ACTR3C: variants seen among roughly 807,000 people sequenced by gnomAD.
The protein encoded by ACTR3C is actin related protein 3C.
A neutral mutation model predicts 26.3 loss-of-function variants in ACTR3C; 18 were observed. That is an observed-to-expected ratio of 0.68 (90% CI 0.47 to 1.01). The LOEUF (loss-of-function observed/expected upper bound fraction) is 1.01. Among genes scored for constraint, ACTR3C ranks in the 50% least tolerant of loss-of-function variants. The pLI, the probability that ACTR3C is intolerant of heterozygous loss-of-function variation, is 0.00. For synonymous variants in ACTR3C, 55 were observed against 94.5 expected (o/e 0.58, Z 2.42); for missense variants, 184 against 250.7 (o/e 0.73, Z 1.80).
At chr7:150,105,962 T>A in the ACTR3C span, among the ~76,000 whole-genome samples, 2 of 151,994 alleles carry the variant, frequency 1.3e-5, no homozygotes, top group Non-Finnish European at 1.5e-5. Flanking sequence ...CTAAAAAAAA[T>A]TACTTCCCAA....
At chr7:150,030,006 C>G in the ACTR3C span, among the ~76,000 whole-genome samples, 1 of 138,552 alleles carries the variant, frequency 7.2e-6, no homozygotes, top group Non-Finnish European at 1.5e-5. Context: ...TGAAGTGTCC[C>G]TCCTCTCGCT....
chr7:150,140,996 A>C, the ACTR3C span, among the ~76,000 whole-genome samples: 1 of 152,254 alleles, frequency 6.6e-6, no homozygotes, highest in African/African-American at 2.4e-5. Context: ...TAGAAGGTGA[A>C]ACCAGCCACC....
chr7:150,100,760 G>A, the ACTR3C span, among the ~76,000 whole-genome samples: 2 of 151,234 alleles, frequency 1.3e-5, no homozygotes, highest in African/African-American at 4.9e-5. Context: ...CTGGAGTGCA[G>A]TGGTGCGATC....
the ACTR3C span, among the ~76,000 whole-genome samples, chr7:149,984,644 G>A: frequency 6.6e-6 from 1 of 151,714 alleles, no homozygotes; most frequent in African/African-American, 2.4e-5. Context: ...ACTGGGGTGT[G>A]TGATGGGAAT....
At chr7:150,216,725 G>A in the ACTR3C span, among the ~76,000 whole-genome samples, 1 of 151,956 alleles carries the variant, frequency 6.6e-6, no homozygotes, top group African/African-American at 2.4e-5. Context: ...GGTGGCTCAC[G>A]CCTGTAATCC....
chr7:150,140,628 C>T, the ACTR3C span, among the ~76,000 whole-genome samples: 1 of 152,166 alleles, frequency 6.6e-6, no homozygotes, highest in Admixed American at 6.5e-5. Context: ...TCACACACCT[C>T]ATTTGCTTGA....
intron 1 of ACTR3C, among the ~76,000 whole-genome samples, chr7:150,317,583 T>C (rs978086552): frequency 6.6e-6 from 1 of 152,202 alleles, no homozygotes; most frequent in African/African-American, 2.4e-5. Flanking sequence ...ACTAGTGGTG[T>C]TGACTAAACC....
In ACTR3C at chr7:150,323,503, T is replaced by C. The variant is rs913186191; in HGVS notation, c.-86A>G. The C allele has an allele frequency of 9.3e-5, 40 of 432,310 alleles. No individual in the cohort carries two copies. In the Admixed American group the frequency reaches 1.0e-3, roughly 11 times the overall value. The allele number at this position is 432,310 out of a possible 1,614,324, so 26.8% of individuals were successfully genotyped here. On this transcript the variant is annotated 5_prime_UTR_variant, in exon 1 of 8. Transcript: ENST00000683684. ...AGGCGCCGGCTCTGCGGTGCGGAGTTGCGCCGGACTTCCCAGCTTGGCCAG... is the reference window on the plus strand; with the variant it reads ...AGGCGCCGGCTCTGCGGTGCGGAGTCGCGCCGGACTTCCCAGCTTGGCCAG...
chr7:150,208,077 C>T, the ACTR3C span, among the ~76,000 whole-genome samples: 3 of 152,096 alleles, frequency 2.0e-5, no homozygotes, highest in Non-Finnish European at 4.4e-5. Flanking sequence ...TCAAAGAAAG[C>T]GAAGGAGGAC....
At chr7:149,883,308 A>C in the ACTR3C span, among the ~76,000 whole-genome samples, 1 of 152,132 alleles carries the variant, frequency 6.6e-6, no homozygotes, top group South Asian at 2.1e-4. Flanking sequence ...CTTCTGTTAG[A>C]GTTATCAGTT....
chr7:150,203,518 T>C, the ACTR3C span, among the ~76,000 whole-genome samples: 1 of 152,244 alleles, frequency 6.6e-6, no homozygotes, highest in African/African-American at 2.4e-5. Flanking sequence ...TGAATGTAGA[T>C]AGCACTGACA....
chr7:150,296,334 A>G (rs1034078563), intron 1 of ACTR3C, among the ~76,000 whole-genome samples: 10 of 148,334 alleles, frequency 6.7e-5, no homozygotes, highest in Admixed American at 5.3e-4. Context: ...GTGACAGAGC[A>G]AGATCCTGTC....
chr7:150,290,263 G>A (rs563464181), intron 3 of ACTR3C, among the ~76,000 whole-genome samples: 1 of 152,360 alleles, frequency 6.6e-6, no homozygotes, highest in South Asian at 2.1e-4. Context: ...TGAGGGGCCA[G>A]GAAAGGAGGG....
At chr7:149,902,165 AT>A in the ACTR3C span, among the ~76,000 whole-genome samples, 2 of 152,100 alleles carry the variant, frequency 1.3e-5, no homozygotes, top group African/African-American at 2.4e-5. Flanking sequence ...AACAATAGTA[AT>A]TTTTTTAATC....
the ACTR3C span, among the ~76,000 whole-genome samples, chr7:150,191,820 C>T: frequency 1.4e-4 from 22 of 152,164 alleles, no homozygotes; most frequent in Non-Finnish European, 2.8e-4. Flanking sequence ...TTTGGATTAA[C>T]CACTCAGTTT....
chr7:150,042,538 AG>A, the ACTR3C span, among the ~76,000 whole-genome samples: 73 of 146,922 alleles, frequency 5.0e-4, no homozygotes, highest in African/African-American at 1.5e-3. Flanking sequence ...CCCAAGAGCC[AG>A]GGGGGGAAGA....
chr7:150,115,913 T>C, the ACTR3C span, among the ~76,000 whole-genome samples: 1 of 152,178 alleles, frequency 6.6e-6, no homozygotes, highest in African/African-American at 2.4e-5. Context: ...GATTCTTTCC[T>C]CCTAGACACT....
intron 7 of ACTR3C, 141 bp from the exon 8 acceptor site, chr7:150,247,710 C>T (rs1832541938): frequency 6.9e-6 from 1 of 144,434 alleles, no homozygotes; most frequent in South Asian, 2.4e-4. Context: ...GGAGGCGGGG[C>T]CTGGTGGGGG....
chr7:149,933,996 T>A, the ACTR3C span, among the ~76,000 whole-genome samples: 2 of 149,630 alleles, frequency 1.3e-5, no homozygotes, highest in South Asian at 4.2e-4. Flanking sequence ...ATTCCGGTGT[T>A]AAGTTCCACT....
Sources: gnomAD v4.1 joint callset for allele counts (sites outside exome capture counted in the v4.1 genomes callset) on GRCh38, gnomAD v4.1.1 for gene constraint, MANE v1.5 for transcripts, NCBI Gene and HGNC (gene_info 2026-07-23, HGNC 2026-07-21) for gene names.